The following GRIK2 variants were observed in gnomAD, a reference collection of about 807,000 sequenced individuals.
GRIK2 encodes glutamate ionotropic receptor kainate type subunit 2.
In GRIK2, 32 loss-of-function variants were observed where a neutral mutation model predicts 100.3. The observed-to-expected ratio is 0.32, with a 90% CI of 0.24 to 0.43. The LOEUF is 0.43. GRIK2 is among the 20% of genes least tolerant of loss of function. The pLI, the probability that GRIK2 is intolerant of heterozygous loss-of-function variation, is 1.00. For synonymous variants in GRIK2, 417 were observed against 389.4 expected (o/e 1.07, Z -0.83); for missense variants, 843 against 1,114.9 (o/e 0.76, Z 3.47).
chr6:101,475,791 T>A (rs929217328), intron 2 of GRIK2, among the ~76,000 whole-genome samples: 3 of 152,002 alleles, frequency 2.0e-5, no homozygotes, highest in Non-Finnish European at 4.4e-5. Flanking sequence ...AAGGCGATAT[T>A]TGTGTGGCTG....
intron 10 of GRIK2, among the ~76,000 whole-genome samples, chr6:101,832,476 A>G (rs910793401): frequency 6.6e-6 from 1 of 152,198 alleles, no homozygotes; most frequent in African/African-American, 2.4e-5. Flanking sequence ...CAAATTATTA[A>G]AAGTTAGGCC....
intron 2 of GRIK2, among the ~76,000 whole-genome samples, chr6:101,506,039 C>T (rs147702811): frequency 7.2e-5 from 11 of 152,134 alleles, no homozygotes; most frequent in Non-Finnish European, 1.3e-4. Flanking sequence ...CATTGTTATA[C>T]GTACTTTGAA....
chr6:101,958,779 ATG>A (rs2128481621), intron 14 of GRIK2, among the ~76,000 whole-genome samples: 1 of 152,162 alleles, frequency 6.6e-6, no homozygotes, highest in East Asian at 1.9e-4. Context: ...ATCTATTGAG[ATG>A]AGCATATGGT....
At chr6:101,926,296 C>T (rs534783472) in intron 13 of GRIK2, among the ~76,000 whole-genome samples, 35 of 149,050 alleles carry the variant, frequency 2.3e-4, no homozygotes, top group African/African-American at 8.4e-4. Flanking sequence ...AAAAGCCCGT[C>T]ATATGGCACA....
At chr6:101,876,113 A>C (rs985894270) in intron 11 of GRIK2, among the ~76,000 whole-genome samples, 2 of 151,744 alleles carry the variant, frequency 1.3e-5, no homozygotes, top group African/African-American at 4.8e-5. Context: ...TGTATTTAGG[A>C]AGTCAAAATT....
At chr6:101,597,018 A>AGAAAATATG (rs906405915) in intron 2 of GRIK2, among the ~76,000 whole-genome samples, 15 of 152,040 alleles carry the variant, frequency 9.9e-5, no homozygotes, top group African/African-American at 3.6e-4. Flanking sequence ...GATTGGATAA[A>AGAAAATATG]GAAAATATGG....
At chr6:101,822,207 TACACACAC>T (rs58680927) in intron 10 of GRIK2, among the ~76,000 whole-genome samples, 9,375 of 143,222 alleles carry the variant, frequency 0.065, 329 homozygotes, top group African/African-American at 0.091. Flanking sequence ...TGGAGAGTTT[TACACACAC>T]ACACACACAC....
intron 16 of GRIK2, among the ~76,000 whole-genome samples, chr6:102,063,535 C>T (rs1771858596): frequency 6.6e-6 from 1 of 150,546 alleles, no homozygotes; most frequent in Non-Finnish European, 1.5e-5. Flanking sequence ...TGTCAATTAT[C>T]AATGTGGAGC....
At chr6:101,824,085 A>G (rs919772430) in intron 10 of GRIK2, among the ~76,000 whole-genome samples, 2 of 151,770 alleles carry the variant, frequency 1.3e-5, no homozygotes, top group African/African-American at 4.8e-5. Flanking sequence ...GACGGTGACC[A>G]TGTTGGTCAG....
intron 7 of GRIK2, among the ~76,000 whole-genome samples, chr6:101,731,957 A>G (rs545068636): frequency 6.6e-6 from 1 of 152,176 alleles, no homozygotes; most frequent in East Asian, 1.9e-4. Flanking sequence ...AGTAAGGGCA[A>G]AAACCTAGAG....
At chr6:101,949,199 A>AT (rs747370673) in intron 14 of GRIK2, among the ~76,000 whole-genome samples, 2,026 of 134,962 alleles carry the variant, frequency 0.015, 39 homozygotes, top group African/African-American at 0.055. Context: ...TGTTTTTGCG[A>AT]TTTTTTTTTT....
At chr6:101,826,922 CT>C (rs1002407645) in intron 10 of GRIK2, among the ~76,000 whole-genome samples, 84 of 151,822 alleles carry the variant, frequency 5.5e-4, no homozygotes, top group Non-Finnish European at 9.1e-4. Flanking sequence ...CAAAACTCAC[CT>C]TTTTTTTCTT....
chr6:101,799,850 G>GATT, intron 8 of GRIK2, 59 bp downstream of exon 8: 1 of 1,378,584 alleles, frequency 7.3e-7, no homozygotes, highest in African/African-American at 1.4e-5. Context: ...AATGAAGTGA[G>GATT]ATTATTGTGG....
chr6:101,864,811 G>A (rs544868694), intron 11 of GRIK2, among the ~76,000 whole-genome samples: 1 of 152,192 alleles, frequency 6.6e-6, no homozygotes, highest in Non-Finnish European at 1.5e-5. Flanking sequence ...GTGCTATAAT[G>A]TTATCAGAGA....
chr6:101,809,856 A>G (rs1423474246), intron 9 of GRIK2, among the ~76,000 whole-genome samples: 1 of 151,984 alleles, frequency 6.6e-6, no homozygotes, highest in Non-Finnish European at 1.5e-5. Flanking sequence ...TTTGTGTGTC[A>G]GTGTGTATAG....
chr6:101,928,219 G>A lies in GRIK2; in HGVS notation c.1868-196G>A, dbSNP rs574593704. 420 of 586,892 alleles carry A rather than the reference G, an allele frequency of 7.2e-4. 1 individual carries two copies. Among genetic ancestry groups the A allele is most frequent in the African/African-American group, 7.1e-3 (380 of 53,766 alleles). 36.4% of individuals were successfully genotyped at this position (586,892 alleles called of 1,614,324 possible). On this transcript the variant is annotated intron_variant, in intron 13 of 16. Coordinates refer to ENST00000369134, the MANE Select transcript of GRIK2 (RefSeq NM_021956.5). Reference sequence around the variant, plus strand: ...CCTGTCACTATATTTAAACAAGAATGTCCTAAAAGATTGTCTATTTTCTGA... The same window carrying A: ...CCTGTCACTATATTTAAACAAGAATATCCTAAAAGATTGTCTATTTTCTGA...
chr6:102,043,418 C>T (rs1325593989), intron 15 of GRIK2, among the ~76,000 whole-genome samples: 1 of 151,740 alleles, frequency 6.6e-6, no homozygotes, highest in Non-Finnish European at 1.5e-5. Flanking sequence ...TGACCATCAT[C>T]TCCCCATTTC....
intron 7 of GRIK2, among the ~76,000 whole-genome samples, chr6:101,745,400 G>A (rs1776363288): frequency 6.6e-6 from 1 of 152,070 alleles, no homozygotes; most frequent in Non-Finnish European, 1.5e-5. Context: ...TGAGCATGAT[G>A]GGCCTGGCAT....
chr6:101,960,277 TG>T (rs1204736153), intron 14 of GRIK2, among the ~76,000 whole-genome samples: 1 of 151,938 alleles, frequency 6.6e-6, no homozygotes, highest in African/African-American at 2.4e-5. Context: ...AGCTTTCTCT[TG>T]GATCTCATTA....
Sources: allele counts gnomAD v4.1 joint callset (sites outside exome capture counted in the v4.1 genomes callset), GRCh38; gene constraint gnomAD v4.1.1; transcripts MANE v1.5; gene names NCBI Gene and HGNC (gene_info 2026-07-23, HGNC 2026-07-21).